The following RPS6KC1 variants were observed in gnomAD, a reference collection of about 807,000 sequenced individuals.
The protein encoded by RPS6KC1 is inactive ribosomal protein S6 kinase delta-1.
Under a neutral mutation model 103.8 loss-of-function variants are expected in RPS6KC1, and 54 were observed. The observed-to-expected ratio is 0.52, with a 90% CI of 0.42 to 0.65. RPS6KC1 has a LOEUF of 0.65. Ranked by LOEUF, RPS6KC1 falls within the 30% of genes least tolerant of loss-of-function variation. RPS6KC1 has a pLI of 0.00. For synonymous variants in RPS6KC1, 439 were observed against 438.7 expected (o/e 1.00, Z -0.01); for missense variants, 1,151 against 1,253.8 (o/e 0.92, Z 1.24).
At chr1:213,466,708 T>G in the RPS6KC1 span, among the ~76,000 whole-genome samples, 13 of 152,306 alleles carry the variant, frequency 8.5e-5, no homozygotes, top group South Asian at 2.7e-3. Flanking sequence ...TAATGTATCT[T>G]TATCATTAGC....
the RPS6KC1 span, among the ~76,000 whole-genome samples, chr1:213,767,556 A>G: frequency 6.6e-6 from 1 of 151,750 alleles, no homozygotes; most frequent in Admixed American, 6.6e-5. Context: ...TCTCTGTTCA[A>G]TATCTCTCTC....
At chr1:213,692,579 A>G in the RPS6KC1 span, among the ~76,000 whole-genome samples, 1 of 151,988 alleles carries the variant, frequency 6.6e-6, no homozygotes, top group Non-Finnish European at 1.5e-5. Flanking sequence ...GGCTGTCCAC[A>G]TGCACAGTGG....
the RPS6KC1 span, among the ~76,000 whole-genome samples, chr1:213,607,457 A>G: frequency 6.6e-6 from 1 of 152,160 alleles, no homozygotes; most frequent in African/African-American, 2.4e-5. Flanking sequence ...TGTCTCTAGT[A>G]GTCTGTATTC....
chr1:213,801,981 C>CA, the RPS6KC1 span, among the ~76,000 whole-genome samples: 1 of 152,034 alleles, frequency 6.6e-6, no homozygotes, highest in Non-Finnish European at 1.5e-5. Context: ...ATTCAGTTTC[C>CA]AAAAAAGGAC....
At chr1:213,520,199 G>A in the RPS6KC1 span, among the ~76,000 whole-genome samples, 3 of 152,186 alleles carry the variant, frequency 2.0e-5, no homozygotes, top group African/African-American at 7.2e-5. Flanking sequence ...TTTATAAAGA[G>A]AAGAGGTTTA....
rs999796786 is a variant in RPS6KC1, at chr1:213,088,473, C to T, written c.262+10657C>T. Among the ~76,000 whole-genome samples the T allele has an allele frequency of 2.0e-5, 3 of 152,120 alleles. No homozygotes were observed. In the South Asian group the frequency reaches 6.2e-4, roughly 32 times the overall value. On this transcript the variant is annotated intron_variant, in intron 3 of 14. Coordinates refer to ENST00000366960, the MANE Select transcript of RPS6KC1 (RefSeq NM_012424.6). ...CTACCTCCGGGTTCAAGCGATTCTC[C>T]GGCTTCAGCCTCTTGAATAGCTGGG...
chr1:213,744,184 G>T, the RPS6KC1 span, among the ~76,000 whole-genome samples: 54 of 152,218 alleles, frequency 3.5e-4, no homozygotes, highest in African/African-American at 9.6e-4. Flanking sequence ...AGTGTACACT[G>T]CTCGGGTGAT....
chr1:213,479,245 T>G, the RPS6KC1 span, among the ~76,000 whole-genome samples: 1 of 152,088 alleles, frequency 6.6e-6, no homozygotes, highest in South Asian at 2.1e-4. Flanking sequence ...TATATGAAAC[T>G]AGAAGTGGAA....
chr1:213,417,266 G>A, the RPS6KC1 span, among the ~76,000 whole-genome samples: 3 of 152,090 alleles, frequency 2.0e-5, no homozygotes, highest in Non-Finnish European at 4.4e-5. Context: ...AAAATGGAGC[G>A]TCCCTGATTT....
intron 9 of RPS6KC1, 102 bp from the exon 10 acceptor site, chr1:213,232,021 C>T (rs1489286008): frequency 1.4e-6 from 2 of 1,436,884 alleles, no homozygotes; most frequent in African/African-American, 2.8e-5. Flanking sequence ...CCCAGAGTAA[C>T]TCGGATAGAT....
At chr1:213,429,360 C>T in the RPS6KC1 span, among the ~76,000 whole-genome samples, 1 of 152,112 alleles carries the variant, frequency 6.6e-6, no homozygotes, top group Admixed American at 6.5e-5. Context: ...TGCCATATTT[C>T]CCAGGCTGGT....
the RPS6KC1 span, among the ~76,000 whole-genome samples, chr1:213,500,587 G>A: frequency 5.0e-3 from 760 of 152,272 alleles, 5 homozygotes; most frequent in Middle Eastern, 0.014. Flanking sequence ...GACTGGCAGC[G>A]CAGTAGGTTT....
intron 1 of RPS6KC1, among the ~76,000 whole-genome samples, chr1:213,063,438 A>G (rs140705699): frequency 2.6e-5 from 4 of 152,316 alleles, no homozygotes; most frequent in African/African-American, 9.6e-5. Context: ...CTTACCAAGC[A>G]TGGTTGTAGT....
At chr1:213,382,942 C>T in the RPS6KC1 span, among the ~76,000 whole-genome samples, 1 of 152,192 alleles carries the variant, frequency 6.6e-6, no homozygotes, top group African/African-American at 2.4e-5. Flanking sequence ...CACTCTTAAC[C>T]TCTGTTATCA....
At chr1:213,447,549 C>T in the RPS6KC1 span, among the ~76,000 whole-genome samples, 1 of 152,186 alleles carries the variant, frequency 6.6e-6, no homozygotes, top group East Asian at 1.9e-4. Context: ...CATGGCATAT[C>T]ACCATTTGGA....
the RPS6KC1 span, among the ~76,000 whole-genome samples, chr1:213,844,689 T>C: frequency 1.3e-5 from 2 of 152,314 alleles, no homozygotes; most frequent in African/African-American, 4.8e-5. Context: ...GCATTTTTTA[T>C]GTGATGATGC....
At chr1:213,329,205 C>G in the RPS6KC1 span, among the ~76,000 whole-genome samples, 1 of 152,206 alleles carries the variant, frequency 6.6e-6, no homozygotes, top group East Asian at 1.9e-4. Context: ...TTTGGAACGA[C>G]TCCTTTCTTC....
chr1:213,225,774 T>C (rs1174134841), intron 8 of RPS6KC1, among the ~76,000 whole-genome samples: 1 of 152,228 alleles, frequency 6.6e-6, no homozygotes, highest in Admixed American at 6.5e-5. Context: ...TGTGCAGGTA[T>C]ATTTTGTTGA....
the RPS6KC1 span, among the ~76,000 whole-genome samples, chr1:213,384,287 T>C: frequency 1.3e-5 from 2 of 150,508 alleles, no homozygotes; most frequent in Non-Finnish European, 2.9e-5. Context: ...AAAAAAAATA[T>C]ATATATATAT....
Sources: gnomAD v4.1 joint callset for allele counts (sites outside exome capture counted in the v4.1 genomes callset) on GRCh38, gnomAD v4.1.1 for gene constraint, MANE v1.5 for transcripts, NCBI Gene and HGNC (gene_info 2026-07-23, HGNC 2026-07-21) for gene names.